Variants in MPPE1 observed in about 807,000 individuals in gnomAD.
MPPE1 encodes metallophosphoesterase 1, also known as metallo phosphoesterase.
MPPE1 carries 28 observed loss-of-function variants against 43.8 expected under a neutral mutation model. That is an observed-to-expected ratio of 0.64 (90% CI 0.47 to 0.88). The LOEUF is 0.88. MPPE1 is among the 40% of genes least tolerant of loss of function. The probability of loss-of-function intolerance (pLI) is 0.00; values close to 1 mark genes in which losing one functional copy is unlikely to be tolerated. For missense variants in MPPE1, 428 were observed against 492.2 expected (o/e 0.87, Z 1.23); for synonymous variants, 159 against 188.5 (o/e 0.84, Z 1.28).
intron 4 of MPPE1, 44 bp downstream of exon 4, chr18:11,893,424 G>T: frequency 7.4e-7 from 1 of 1,356,870 alleles, no homozygotes; most frequent in Non-Finnish European, 1.1e-6. Flanking sequence ...TACTTGTGCT[G>T]GACCTCACAG....
chr18:11,896,605 C>T (rs2038643278), intron 3 of MPPE1, among the ~76,000 whole-genome samples: 1 of 152,186 alleles, frequency 6.6e-6, no homozygotes, highest in Admixed American at 6.5e-5. Flanking sequence ...CACCAACCCA[C>T]ATCTGTGTCC....
intron 4 of MPPE1, among the ~76,000 whole-genome samples, chr18:11,890,925 AATTTTTCAAAATTATTCTG>A (rs1348700689): frequency 6.6e-6 from 1 of 152,220 alleles, no homozygotes; most frequent in African/African-American, 2.4e-5. Context: ...TATTGTAAAA[AATTTTTCAAAATTATTCTG>A]ATACTTGCTT....
At position 11,883,695 on chromosome 18, in the gene MPPE1, T is replaced by G. The variant is rs1255001977; in HGVS notation, c.*750A>C. ...TCTGCACATCACATCTGTACTTTTT[T>G]TTTTTTAAATATATTTTTTGAGACG... is the stretch of plus-strand genomic sequence containing the variant. On this transcript the variant is annotated 3_prime_UTR_variant, in exon 11 of 11. Coordinates refer to ENST00000588072, the MANE Select transcript of MPPE1 (RefSeq NM_023075.6). 6.6e-6 allele frequency: 1 copy of G among 152,626 alleles called. No individual in the cohort carries two copies. The highest frequency in any genetic ancestry group is 1.9e-4 in the East Asian group (1 of 5,194). The allele number at this position is 152,626 out of a possible 1,614,324, so 9.5% of individuals were successfully genotyped here.
At chr18:11,892,165 C>T (rs1054123425) in intron 4 of MPPE1, among the ~76,000 whole-genome samples, 1 of 151,196 alleles carries the variant, frequency 6.6e-6, no homozygotes, top group African/African-American at 2.4e-5. Flanking sequence ...CACAGTGAAA[C>T]CCCATCTCTA....
chr18:11,900,636 A>C (rs538605170), intron 2 of MPPE1, among the ~76,000 whole-genome samples: 2 of 152,134 alleles, frequency 1.3e-5, no homozygotes, highest in African/African-American at 2.4e-5. Context: ...AGCCAGGCAC[A>C]GTGGCTCACA....
chr18:11,899,701 G>A (rs111811151), intron 2 of MPPE1, among the ~76,000 whole-genome samples: 13 of 152,262 alleles, frequency 8.5e-5, no homozygotes, highest in African/African-American at 2.4e-4. Flanking sequence ...GAAGTCTTAC[G>A]GGGTGGGAGC....
rs577324953 is a variant in MPPE1, at chr18:11,901,450, C to T, written c.-92-4094G>A. ...TTCACCACATTGGCCAGACTGGTAT[C>T]GAACTCCTGGCCTCAGGTGATCCAC... On this transcript the variant is annotated intron_variant, in intron 2 of 10. Coordinates refer to ENST00000588072, the MANE Select transcript of MPPE1 (RefSeq NM_023075.6). 8.7e-4 allele frequency among the ~76,000 whole-genome samples: 132 copies of T among 151,828 alleles called. 1 individual carries two copies. Among genetic ancestry groups the T allele is most frequent in the South Asian group, 1.9e-3 (9 of 4,810 alleles).
At chr18:11,887,236 G>A (rs993181324) in intron 6 of MPPE1, among the ~76,000 whole-genome samples, 1 of 152,148 alleles carries the variant, frequency 6.6e-6, no homozygotes, top group South Asian at 2.1e-4. Flanking sequence ...AGACACGATC[G>A]AAGGGTTTTT....
intron 4 of MPPE1, among the ~76,000 whole-genome samples, chr18:11,890,680 G>A (rs765710740): frequency 1.3e-5 from 2 of 152,150 alleles, no homozygotes; most frequent in African/African-American, 4.8e-5. Context: ...AAAATATTTG[G>A]TTCATACACC....
In MPPE1 at chr18:11,883,308, CAAAGTA is replaced by C. The variant is rs1218028560; in HGVS notation, c.*1131_*1136del. ...TTATTTTCAGTTCCCCTTGCACTGT[CAAAGTA>C]AAACAAGAAAACTGAAAAGCTGCAC... On this transcript the variant is annotated 3_prime_UTR_variant, in exon 11 of 11. Coordinates refer to ENST00000588072, the MANE Select transcript of MPPE1 (RefSeq NM_023075.6). 3 of 152,310 alleles carry C rather than the reference CAAAGTA, an allele frequency of 2.0e-5. No homozygotes were observed. The highest frequency in any genetic ancestry group is 1.9e-4 in the East Asian group (1 of 5,198). 9.4% of individuals were successfully genotyped at this position (152,310 alleles called of 1,614,324 possible). A position where few individuals can be genotyped will look rare whatever the true frequency, so the allele number is the denominator to read the frequency against.
Position 11,884,493 on chromosome 18 carries a change from T to A in MPPE1, c.1143A>T (p.Ser381=), listed in dbSNP as rs760724495. 14 of 1,614,066 alleles carry A rather than the reference T, an allele frequency of 8.7e-6. No homozygotes were observed. The East Asian group carries it at 3.1e-4, about 36-fold the overall frequency. ...LTLTHFGLLA[S]PFLSGLNLLG... ...GCAAGTTCAAACCAGAAAGAAAAGG[T>A]GAGGCTAGAAGCCCAAAGTGAGTGA... Residue 381 remains serine, a synonymous_variant, in exon 11 of 11, where the codon TCA becomes TCT. Coordinates refer to ENST00000588072, the MANE Select transcript of MPPE1 (RefSeq NM_023075.6).
At chr18:11,896,310 C>CA (rs1190749637) in intron 3 of MPPE1, among the ~76,000 whole-genome samples, 1 of 152,024 alleles carries the variant, frequency 6.6e-6, no homozygotes, top group African/African-American at 2.4e-5. Context: ...CCATGTTGGC[C>CA]AGGCTGGTCT....
At chr18:11,907,158 T>A (rs973995949) in intron 1 of MPPE1, among the ~76,000 whole-genome samples, 1 of 152,188 alleles carries the variant, frequency 6.6e-6, no homozygotes, top group African/African-American at 2.4e-5. Context: ...ACACTTAACT[T>A]ACCTGGAGGC....
intron 2 of MPPE1, among the ~76,000 whole-genome samples, chr18:11,903,227 T>A (rs1268198572): frequency 1.3e-5 from 2 of 152,176 alleles, no homozygotes; most frequent in Non-Finnish European, 1.5e-5. Flanking sequence ...AGCTGCCACA[T>A]TAAAGTGTTA....
rs748942536 is a variant in MPPE1 at position 11,887,001 on chromosome 18, C to T, written c.594G>A (p.Ala198=). 6.4e-5 allele frequency: 104 copies of T among 1,613,406 alleles called. No individual in the cohort carries two copies. Among genetic ancestry groups the T allele is most frequent in the Non-Finnish European group, 8.5e-5 (100 of 1,179,618 alleles). The change falls in exon 7 of 11, where the codon GCG becomes GCA. Residue 198 remains alanine, a synonymous_variant. Transcript: ENST00000588072. ...AGATGCCACAGCCATCCCCGTTCAG[C>T]GCCACGCTGTTGACCATCACAAAGC... ...GINFVMVNSV[A]LNGDGCGICS... is the part of the protein sequence containing the mutation.
At chr18:11,895,703 G>T (rs79620735) in intron 3 of MPPE1, among the ~76,000 whole-genome samples, 7,623 of 152,010 alleles carry the variant, frequency 0.05, 352 homozygotes, top group African/African-American at 0.13. Flanking sequence ...CGGGCATAAA[G>T]AGCAAAAATT....
At chr18:11,893,157 G>A (rs992207665) in intron 4 of MPPE1, 29 of 282,546 alleles carry the variant, frequency 1.0e-4, no homozygotes, top group African/African-American at 2.8e-4. Context: ...TATCTTGCCC[G>A]TTTCTCCCTT....
intron 3 of MPPE1, among the ~76,000 whole-genome samples, chr18:11,895,034 AC>A (rs1267268942): frequency 1.3e-5 from 2 of 152,194 alleles, no homozygotes; most frequent in African/African-American, 4.8e-5. Flanking sequence ...CTTCAACCTA[AC>A]CAAATCCAGC....
chr18:11,890,144 G>T (rs979298418), intron 4 of MPPE1, among the ~76,000 whole-genome samples: 22 of 141,000 alleles, frequency 1.6e-4, no homozygotes, highest in African/African-American at 5.2e-4. Flanking sequence ...GGGTTTCACT[G>T]TGTTAGCCAG....
Sources: gnomAD v4.1 joint callset for allele counts (sites outside exome capture counted in the v4.1 genomes callset) on GRCh38, gnomAD v4.1.1 for gene constraint, MANE v1.5 for transcripts, NCBI Gene and HGNC (gene_info 2026-07-23, HGNC 2026-07-21) for gene names.